Variants in PTK2 observed in about 807,000 individuals in gnomAD.
The protein encoded by PTK2 is focal adhesion kinase 1.
In PTK2, 45 loss-of-function variants were observed where a neutral mutation model predicts 150.1. The observed-to-expected ratio is 0.30, with a 90% CI of 0.24 to 0.38. The LOEUF is 0.38. Ranked by LOEUF, PTK2 falls within the 10% of genes least tolerant of loss-of-function variation. The pLI, the probability that PTK2 is intolerant of heterozygous loss-of-function variation, is 1.00. For synonymous variants in PTK2, 432 were observed against 449.2 expected (o/e 0.96, Z 0.48); for missense variants, 919 against 1,307.3 (o/e 0.70, Z 4.58).
At chr8:140,872,865 A>G (rs2100143344) in intron 4 of PTK2, among the ~76,000 whole-genome samples, 1 of 152,220 alleles carries the variant, frequency 6.6e-6, no homozygotes. Context: ...AAATTAACAT[A>G]AAATATTAAC....
intron 26 of PTK2, among the ~76,000 whole-genome samples, chr8:140,698,863 C>T (rs1258694630): frequency 1.3e-5 from 2 of 152,080 alleles, no homozygotes; most frequent in African/African-American, 2.4e-5. Context: ...GATCAGCCCG[C>T]CTCAGCCTCC....
chr8:140,813,815 T>C (rs1189923051), intron 10 of PTK2, among the ~76,000 whole-genome samples: 3 of 123,248 alleles, frequency 2.4e-5, no homozygotes, highest in Non-Finnish European at 4.8e-5. Flanking sequence ...CCAGGATGAA[T>C]TGAAGGAGAG....
At chr8:140,692,238 T>C (rs1341462797) in intron 26 of PTK2, among the ~76,000 whole-genome samples, 1 of 152,210 alleles carries the variant, frequency 6.6e-6, no homozygotes, top group Non-Finnish European at 1.5e-5. Flanking sequence ...TTTCTTTTCA[T>C]AGAGCATACA....
intron 4 of PTK2, among the ~76,000 whole-genome samples, chr8:140,868,345 AT>A (rs1213593640): frequency 6.6e-6 from 1 of 152,190 alleles, no homozygotes; most frequent in African/African-American, 2.4e-5. Flanking sequence ...TAGACTTCCA[AT>A]TTTTTTAAAA....
intron 13 of PTK2, among the ~76,000 whole-genome samples, chr8:140,790,139 A>G (rs2100087630): frequency 6.6e-6 from 1 of 152,238 alleles, no homozygotes; most frequent in Admixed American, 6.5e-5. Flanking sequence ...AAAATTGGTA[A>G]AAAACTTTTG....
In PTK2 at chr8:140,759,530, TAAAAAAAAAAAAA is replaced by T. The variant is rs761643170; in HGVS notation, c.1332+1622_1332+1634del. Among the ~76,000 whole-genome samples the T allele has an allele frequency of 7.9e-4, 46 of 58,076 alleles. No homozygotes were observed. In the South Asian group the frequency reaches 0.026, roughly 32 times the overall value. The allele number at this position is 58,076 out of a possible 152,430, so 38.1% of individuals were successfully genotyped here. On this transcript the variant is annotated intron_variant, in intron 16 of 31. Transcript: ENST00000522684. ...TTGGTGACAGAGTAAGACCCTGTCC[TAAAAAAAAAAAAA>T]AAAAAAAAAAAGAAAGAAAGAAAGA...
intron 27 of PTK2, among the ~76,000 whole-genome samples, chr8:140,676,309 G>A (rs938137647): frequency 5.9e-5 from 9 of 152,122 alleles, no homozygotes; most frequent in African/African-American, 1.7e-4. Context: ...CCAGGAGGCA[G>A]AGGTTGCAGT....
intron 1 of PTK2, among the ~76,000 whole-genome samples, chr8:140,988,490 G>A (rs2100194225): frequency 6.6e-6 from 1 of 152,322 alleles, no homozygotes; most frequent in South Asian, 2.1e-4. Flanking sequence ...AGCACTTTGG[G>A]AGGCCAAGGC....
chr8:140,697,852 G>GTTT (rs71308981), intron 26 of PTK2, among the ~76,000 whole-genome samples: 2 of 48,024 alleles, frequency 4.2e-5, no homozygotes, highest in East Asian at 8.9e-4. Context: ...AGGGTTTACT[G>GTTT]TTTTTTTTTT....
At chr8:140,742,948 T>C (rs2100056580) in intron 20 of PTK2, among the ~76,000 whole-genome samples, 1 of 152,222 alleles carries the variant, frequency 6.6e-6, no homozygotes, top group African/African-American at 2.4e-5. Flanking sequence ...AGATGCTAAA[T>C]ATTTACTCGT....
In PTK2 at chr8:140,982,081, A is replaced by AAAAAAAC. The variant is rs144602670; in HGVS notation, c.-122+19043_-122+19044insGTTTTTT. On this transcript the variant is annotated intron_variant, in intron 1 of 31. Coordinates refer to ENST00000522684, the Ensembl canonical transcript of PTK2. Reference sequence around the variant, plus strand: ...CAACTCAATAAAAAAAAAAAAAAAAAAATGACTCAGTTAAAAACAGACATG... The same window carrying AAAAAAAC: ...CAACTCAATAAAAAAAAAAAAAAAAAAAAAAACAATGACTCAGTTAAAAACAGACATG... Among the ~76,000 whole-genome samples, 97 of 146,636 alleles carry AAAAAAAC rather than the reference A, an allele frequency of 6.6e-4. 4 individuals carry two copies. The highest frequency in any genetic ancestry group is 3.8e-3 in the South Asian group (18 of 4,700).
chr8:140,989,924 A>C (rs2100195059), intron 1 of PTK2, among the ~76,000 whole-genome samples: 2 of 151,794 alleles, frequency 1.3e-5, no homozygotes, highest in African/African-American at 4.8e-5. Flanking sequence ...AAAAAAAAAA[A>C]AGAGCAACCT....
intron 1 of PTK2, among the ~76,000 whole-genome samples, chr8:140,983,041 T>C (rs2100192032): frequency 6.6e-6 from 1 of 152,146 alleles, no homozygotes; most frequent in Non-Finnish European, 1.5e-5. Context: ...AAAATATAGT[T>C]TTCCATCATC....
At chr8:140,945,199 G>A (rs1028759022) in intron 1 of PTK2, among the ~76,000 whole-genome samples, 2 of 152,164 alleles carry the variant, frequency 1.3e-5, no homozygotes, top group African/African-American at 2.4e-5. Flanking sequence ...AGATTTTTCC[G>A]TAAATCAATA....
chr8:140,681,604 C>T (rs777997444), intron 27 of PTK2, among the ~76,000 whole-genome samples: 5 of 151,788 alleles, frequency 3.3e-5, no homozygotes. Context: ...AGTGAAACAC[C>T]GTCTCTACTA....
At chr8:140,857,697 TCTC>T (rs1455460760) in intron 5 of PTK2, among the ~76,000 whole-genome samples, 5 of 152,144 alleles carry the variant, frequency 3.3e-5, no homozygotes, top group South Asian at 2.1e-4. Context: ...ACTGACCACT[TCTC>T]CTTACTTCCG....
chr8:140,818,791 A>ATTT (rs2100106313), intron 9 of PTK2, 89 bp downstream of exon 9: 1 of 1,404,368 alleles, frequency 7.1e-7, no homozygotes, highest in Non-Finnish European at 9.6e-7. Flanking sequence ...ACAAGTTAGC[A>ATTT]TTTTTTCATC....
Position 140,668,416 on chromosome 8 carries a change from G to C in PTK2, c.2718C>G (p.Pro906=), listed in dbSNP as rs769374047. Residue 906 remains proline (P), a synonymous_variant, in exon 30 of 32, where the codon CCC becomes CCG. Coordinates refer to ENST00000522684, the Ensembl canonical transcript of PTK2. ...CAGTAGGAGGGGGGCTGATTTCCTG[G>C]GGCTGAAGCTGACAACACAGAAGCC... is the stretch of plus-strand genomic sequence containing the variant. The C allele has an allele frequency of 4.3e-6, 7 of 1,610,032 alleles. No homozygotes were observed. The East Asian group carries it at 1.6e-4, about 36-fold the overall frequency.
chr8:140,982,760 G>T (rs754882300), intron 1 of PTK2, among the ~76,000 whole-genome samples: 4 of 152,146 alleles, frequency 2.6e-5, no homozygotes, highest in Non-Finnish European at 5.9e-5. Context: ...TCCAATGTTA[G>T]CGTACGTTTT....
Sources: allele counts gnomAD v4.1 joint callset (sites outside exome capture counted in the v4.1 genomes callset), GRCh38; gene constraint gnomAD v4.1.1; transcripts MANE v1.5; gene names NCBI Gene and HGNC (gene_info 2026-07-23, HGNC 2026-07-21).